HDAC8: variants seen among roughly 807,000 people sequenced by gnomAD.
HDAC8 encodes histone deacetylase-like 1.
HDAC8 carries 1 observed loss-of-function variant against 32.2 expected under a neutral mutation model. That is an observed-to-expected ratio of 0.03 (90% confidence interval 0.01 to 0.15). The LOEUF is 0.15. Among genes scored for constraint, HDAC8 ranks in the 10% least tolerant of loss-of-function variants. HDAC8 has a pLI of 1.00. For synonymous variants in HDAC8, 108 were observed against 113.9 expected (o/e 0.95, Z 0.33); for missense variants, 117 against 300.0 (o/e 0.39, Z 4.51).
At chrX:72,557,175 C>T (rs1344518987) in intron 4 of HDAC8, among the ~76,000 whole-genome samples, 1 of 111,278 alleles carries the variant, frequency 9.0e-6, no homozygotes, top group Non-Finnish European at 1.9e-5. Flanking sequence ...TGCACTCCAG[C>T]CTGGGCGACA....
intron 4 of HDAC8, among the ~76,000 whole-genome samples, chrX:72,539,801 T>C (rs1259956843): frequency 9.0e-6 from 1 of 111,490 alleles, no homozygotes; most frequent in Non-Finnish European, 1.9e-5. Flanking sequence ...CTTCAGAGAA[T>C]TTCAGTGAGA....
intron 7 of HDAC8, among the ~76,000 whole-genome samples, chrX:72,485,349 T>C (rs1191184759): frequency 1.8e-5 from 2 of 112,021 alleles, no homozygotes; most frequent in East Asian, 2.8e-4. Context: ...CTGTCATTTA[T>C]ATAAAATGGA....
chrX:72,531,561 T>C (rs939921095), intron 4 of HDAC8, among the ~76,000 whole-genome samples: 2 of 111,971 alleles, frequency 1.8e-5, no homozygotes, highest in African/African-American at 6.5e-5. Context: ...CAACCAATTT[T>C]AGAATATTTT....
At chrX:72,424,538 A>G (rs954027477) in intron 9 of HDAC8, among the ~76,000 whole-genome samples, 5 of 110,054 alleles carry the variant, frequency 4.5e-5, no homozygotes, top group African/African-American at 1.3e-4. Context: ...TTTCTTAGAG[A>G]TTTCTTCATC....
At chrX:72,481,767 A>G (rs2048514778) in intron 7 of HDAC8, among the ~76,000 whole-genome samples, 1 of 108,747 alleles carries the variant, frequency 9.2e-6, no homozygotes, top group Non-Finnish European at 1.9e-5. Flanking sequence ...ATAATCCCAC[A>G]CCTAGCTAAT....
At position 72,468,902 on chromosome X, in the gene HDAC8, T is replaced by G. The variant is rs1340953541; in HGVS notation, c.738-4171A>C. On this transcript the variant is annotated intron_variant, in intron 7 of 10. Transcript: ENST00000373573. ...TCACAGTATTGAACAAGAGACCTAT[T>G]TTTTCCCCCTGCCTGTTCTAACTCT... Among the ~76,000 whole-genome samples the G allele has an allele frequency of 2.7e-5, 3 of 111,750 alleles. No individual in the cohort carries two copies. In the East Asian group the frequency reaches 8.4e-4, roughly 31 times the overall value.
At chrX:72,532,634 T>C (rs781959181) in intron 4 of HDAC8, among the ~76,000 whole-genome samples, 2 of 110,373 alleles carry the variant, frequency 1.8e-5, no homozygotes, top group African/African-American at 3.3e-5. Flanking sequence ...ATGCTGAACA[T>C]CTTTAATGCT....
intron 4 of HDAC8, among the ~76,000 whole-genome samples, chrX:72,565,540 G>A (rs973428806): frequency 1.4e-4 from 16 of 112,263 alleles, no homozygotes; most frequent in African/African-American, 3.6e-4. Flanking sequence ...AGAAGCAGTC[G>A]TGATTGGGTC....
At chrX:72,350,961 C>A (rs782049912) in intron 10 of HDAC8, among the ~76,000 whole-genome samples, 1 of 112,261 alleles carries the variant, frequency 8.9e-6, no homozygotes, top group Non-Finnish European at 1.9e-5. Flanking sequence ...GTCCAGGTAA[C>A]CCACTCCCAG....
intron 10 of HDAC8, among the ~76,000 whole-genome samples, chrX:72,331,056 C>T (rs2043510848): frequency 1.9e-5 from 2 of 103,801 alleles, no homozygotes; most frequent in Admixed American, 2.1e-4. Flanking sequence ...AAGCAATTCT[C>T]CTGCCTCAGC....
chrX:72,399,398 C>G (rs1315902309), intron 9 of HDAC8, among the ~76,000 whole-genome samples: 1 of 112,008 alleles, frequency 8.9e-6, no homozygotes, highest in Non-Finnish European at 1.9e-5. Context: ...TATGATAAAT[C>G]TTAATATCTG....
At chrX:72,335,353 C>A (rs1569223307) in intron 10 of HDAC8, among the ~76,000 whole-genome samples, 1 of 112,142 alleles carries the variant, frequency 8.9e-6, no homozygotes, top group African/African-American at 3.2e-5. Context: ...CTCATCCCTC[C>A]CTTCCTTTCA....
intron 9 of HDAC8, among the ~76,000 whole-genome samples, chrX:72,404,566 TAGTG>T (rs1391785770): frequency 9.0e-6 from 1 of 111,272 alleles, no homozygotes; most frequent in Non-Finnish European, 1.9e-5. Context: ...TTTCCTTACT[TAGTG>T]AGGAAGTATT....
chrX:72,391,235 A>T (rs2045604317), intron 9 of HDAC8, among the ~76,000 whole-genome samples: 1 of 112,131 alleles, frequency 8.9e-6, no homozygotes, highest in Non-Finnish European at 1.9e-5. Flanking sequence ...GAGGACTCAA[A>T]GCAAGAGCAG....
chrX:72,474,579 C>T (rs1331254335), intron 7 of HDAC8: 1 of 1,179,029 alleles, frequency 8.5e-7, no homozygotes, highest in East Asian at 3.0e-5. Flanking sequence ...TATAAACATA[C>T]AAGATATTCA....
At chrX:72,377,137 C>T (rs2045106308) in intron 9 of HDAC8, 1 of 111,574 alleles carries the variant, frequency 9.0e-6, no homozygotes. Context: ...ACAGATACTA[C>T]ACTTGAACTT....
chrX:72,471,675 C>A (rs1438548684), intron 7 of HDAC8, among the ~76,000 whole-genome samples: 1 of 111,282 alleles, frequency 9.0e-6, no homozygotes, highest in East Asian at 2.8e-4. Flanking sequence ...CTATTTCAAC[C>A]CTTTGCCCAT....
intron 4 of HDAC8, among the ~76,000 whole-genome samples, chrX:72,549,527 CT>C (rs1339159200): frequency 9.0e-6 from 1 of 111,129 alleles, no homozygotes; most frequent in African/African-American, 3.3e-5. Context: ...CATCTCAGAC[CT>C]ACTGAATTAG....
At chrX:72,345,858 T>C (rs1161991425) in intron 10 of HDAC8, among the ~76,000 whole-genome samples, 1 of 110,054 alleles carries the variant, frequency 9.1e-6, no homozygotes, top group Admixed American at 9.7e-5. Flanking sequence ...ATTTTTGTAT[T>C]TTTTTTGTAG....
Sources: gnomAD v4.1 joint callset for allele counts (sites outside exome capture counted in the v4.1 genomes callset) on GRCh38, gnomAD v4.1.1 for gene constraint, MANE v1.5 for transcripts, NCBI Gene and HGNC (gene_info 2026-07-23, HGNC 2026-07-21) for gene names.